ANKS3: variants seen among roughly 807,000 people sequenced by gnomAD.
ANKS3 encodes the protein ankyrin repeat and sterile alpha motif domain containing 3.
ANKS3 carries 62 observed loss-of-function variants against 80.7 expected under a neutral mutation model. The observed-to-expected ratio is 0.77, with a 90% CI of 0.63 to 0.95. ANKS3 has a LOEUF of 0.95. Among genes scored for constraint, ANKS3 ranks in the 40% least tolerant of loss-of-function variants. The pLI is 0.00. For missense variants in ANKS3, 1,150 were observed against 883.6 expected (o/e 1.30, Z -3.82); for synonymous variants, 489 against 355.3 (o/e 1.38, Z -4.23).
chr16:4,704,471 GA>G (rs1276221731), intron 8 of ANKS3, among the ~76,000 whole-genome samples: 1 of 152,128 alleles, frequency 6.6e-6, no homozygotes, highest in East Asian at 1.9e-4. Context: ...CAGCAATAGA[GA>G]GTAGGCACCA....
Position 4,701,525 on chromosome 16 carries a change from G to C in ANKS3, c.1028C>G (p.Ala343Gly), listed in dbSNP as rs1444588999. 1 of 1,610,582 alleles carries C rather than the reference G, an allele frequency of 6.2e-7. No homozygotes were observed. The highest frequency in any genetic ancestry group is 1.3e-5 in the African/African-American group (1 of 74,876). Residue 343 changes from alanine (A) to glycine (G), a missense_variant, in exon 10 of 18, where the codon GCC becomes GGC. Ala to Gly is a moderately conservative substitution (Grantham distance 60). Coordinates refer to ENST00000304283, the MANE Select transcript of ANKS3 (RefSeq NM_133450.4). ...GCTGCTCTGGACGGGCCCCAGGTTG[G>C]CACAGAAAGCATGTTCCTCTGAGGG... ...SSSREEHAFC[A>G]NLGPVQSSSS...
At chr16:4,703,203 C>T (rs1439755756) in intron 8 of ANKS3, among the ~76,000 whole-genome samples, 2 of 152,192 alleles carry the variant, frequency 1.3e-5, no homozygotes, top group Non-Finnish European at 2.9e-5. Context: ...GCCTTGACCT[C>T]CTGGGCTCAA....
chr16:4,717,672 G>C (rs2080870686), intron 6 of ANKS3: 1 of 152,156 alleles, frequency 6.6e-6, no homozygotes, highest in Middle Eastern at 3.2e-3. Context: ...TTTTGGTTTT[G>C]TTTTTGAGGC....
chr16:4,701,726 T>C, intron 9 of ANKS3, 183 bp from the exon 10 acceptor site: 1 of 545,210 alleles, frequency 1.8e-6, no homozygotes, highest in Non-Finnish European at 3.2e-6. Context: ...AGGGCTTCTG[T>C]CTTTTTTGTT....
intron 6 of ANKS3, among the ~76,000 whole-genome samples, chr16:4,714,704 T>A (rs967017517): frequency 7.2e-5 from 11 of 152,206 alleles, no homozygotes; most frequent in African/African-American, 2.7e-4. Context: ...ACAAAGATGT[T>A]TGGCACAGGC....
At chr16:4,727,330 C>G (rs2081406150) in intron 3 of ANKS3, 153 bp from the exon 4 acceptor site, 1 of 733,758 alleles carries the variant, frequency 1.4e-6, no homozygotes, top group Non-Finnish European at 2.3e-6. Context: ...GGCAGGCAGG[C>G]AGAAAAATGC....
rs548317403 is a variant in ANKS3 at position 4,728,985 on chromosome 16, A to G, written c.170+995T>C. 3.3e-5 allele frequency among the ~76,000 whole-genome samples: 5 copies of G among 152,278 alleles called. No individual in the cohort carries two copies. In the East Asian group the frequency reaches 9.6e-4, roughly 29 times the overall value. On this transcript the variant is annotated intron_variant, in intron 3 of 17. Coordinates refer to ENST00000304283, the MANE Select transcript of ANKS3 (RefSeq NM_133450.4). ...CAATGCTTTGCTTTGGCTCACTGGG[A>G]ACTGGAAGAGGCACGCAGAGAGAGG...
intron 7 of ANKS3, among the ~76,000 whole-genome samples, chr16:4,708,728 A>T (rs2142065443): frequency 6.6e-6 from 1 of 152,040 alleles, no homozygotes; most frequent in African/African-American, 2.4e-5. Context: ...AGGTGAGGAG[A>T]TCGAGACCAT....
In ANKS3 at chr16:4,734,178, C is replaced by G; in HGVS notation, c.-311G>C. On this transcript the variant is annotated 5_prime_UTR_variant, in exon 1 of 18. Transcript: ENST00000304283. Reference sequence around the variant, plus strand: ...CACCTGTGCTGGGCCTCAGGCCTTGCGCCGCCCTCGGGCTGCCGTCGCCAA... The same window carrying G: ...CACCTGTGCTGGGCCTCAGGCCTTGGGCCGCCCTCGGGCTGCCGTCGCCAA... 1 of 301,304 alleles carries G rather than the reference C, an allele frequency of 3.3e-6. No individual in the cohort carries two copies. The highest frequency in any genetic ancestry group is 1.3e-4 in the South Asian group (1 of 7,496). The allele number at this position is 301,304 out of a possible 1,614,324, so 18.7% of individuals were successfully genotyped here. A position where few individuals can be genotyped will look rare whatever the true frequency, so the allele number is the denominator to read the frequency against.
In ANKS3 at chr16:4,719,856, C is replaced by T. The variant is rs371597297; in HGVS notation, c.573+4894G>A. The stretch of plus-strand genomic sequence containing the variant: ...TTGCAGAAAAAGAAACCCAAATGGC[C>T]AGGGAGCCAAAAAGTCTAACATCCT... On this transcript the variant is annotated intron_variant, in intron 6 of 17. Transcript: ENST00000304283. Among the ~76,000 whole-genome samples the T allele has an allele frequency of 4.6e-5, 7 of 152,004 alleles. No individual in the cohort carries two copies. In the East Asian group the frequency reaches 7.7e-4, roughly 17 times the overall value.
rs1033310199 is a variant in ANKS3, at chr16:4,702,185, T to C, written c.926A>G (p.Glu309Gly). The C allele has an allele frequency of 5.0e-6, 8 of 1,594,096 alleles. No individual in the cohort carries two copies. The highest frequency in any genetic ancestry group is 1.4e-5 in the African/African-American group (1 of 73,534). Residue 309 changes from glutamate (E) to glycine (G), a missense_variant, in exon 9 of 18, where the codon GAA becomes GGA. By Grantham distance (98) the Glu-to-Gly change is moderately conservative. Transcript: ENST00000304283. ...ATCCCGGCAGCAGAGGCCCTCTTCTTCCAGGGGGTTCTCGCCACTGCTGTT... is the reference window on the plus strand; with the variant it reads ...ATCCCGGCAGCAGAGGCCCTCTTCTCCCAGGGGGTTCTCGCCACTGCTGTT... Reference protein sequence around the residue: ...TFNSSGENPLEEEGLCCRDVT... With the variant: ...TFNSSGENPLGEEGLCCRDVT...
chr16:4,702,825 G>C (rs191792782), intron 8 of ANKS3, among the ~76,000 whole-genome samples: 36 of 152,078 alleles, frequency 2.4e-4, no homozygotes, highest in African/African-American at 8.0e-4. Context: ...TTTCACTCCA[G>C]TTTTGCCCCT....
intron 7 of ANKS3, among the ~76,000 whole-genome samples, chr16:4,713,605 T>C (rs2080617581): frequency 1.3e-5 from 2 of 152,222 alleles, no homozygotes; most frequent in Admixed American, 6.5e-5. Flanking sequence ...GAACAAGAAG[T>C]CATCCCTTGT....
At position 4,701,117 on chromosome 16, in the gene ANKS3, A is replaced by G. The variant is rs61747670; in HGVS notation, c.1137T>C (p.Cys379=). 1.2e-6 allele frequency: 2 copies of G among 1,613,930 alleles called. No homozygotes were observed. Among genetic ancestry groups the G allele is most frequent in the Non-Finnish European group, 1.7e-6 (2 of 1,180,024 alleles). The change falls in exon 11 of 18, where the codon TGT becomes TGC. Residue 379 remains cysteine, a synonymous_variant. Transcript: ENST00000304283. Reference sequence around the variant, plus strand: ...TAGCTTGTTTGCGAGCTGAGCTTTTACAGGCATGATCCGAGTCCTGCAGTG... The same window carrying G: ...TAGCTTGTTTGCGAGCTGAGCTTTTGCAGGCATGATCCGAGTCCTGCAGTG... ...VESNEDSDHA[C]KSSARKQAKS...
At chr16:4,704,152 T>G (rs977015256) in intron 8 of ANKS3, among the ~76,000 whole-genome samples, 2 of 152,100 alleles carry the variant, frequency 1.3e-5, no homozygotes, top group African/African-American at 4.8e-5. Context: ...CCCAGTCAGC[T>G]CACCCTTCCC....
intron 6 of ANKS3, among the ~76,000 whole-genome samples, chr16:4,716,267 A>T (rs1481090501): frequency 6.6e-6 from 1 of 150,442 alleles, no homozygotes; most frequent in African/African-American, 2.4e-5. Context: ...GGGCTGAGGC[A>T]GGAGAATCGC....
rs1302777894 is a variant in ANKS3, at chr16:4,698,519, C to T, written c.1632G>A (p.Leu544=). 4 of 1,569,874 alleles carry T rather than the reference C, an allele frequency of 2.5e-6. No individual in the cohort carries two copies. Among genetic ancestry groups the T allele is most frequent in the Non-Finnish European group, 3.4e-6 (4 of 1,165,970 alleles). The change falls in exon 14 of 18, where the codon CTG becomes CTA. Residue 544 remains leucine (L), a synonymous_variant. Transcript: ENST00000304283. The part of the protein sequence containing the change: ...ELRAVVESCL[L]EQDRAREDLQ... ...GGTCCTCGCGGGCGCGGTCCTGCTC[C>T]AGCAGGCAGCTCTCCACCACGGCGC...
chr16:4,705,373 C>G, intron 7 of ANKS3, 120 bp from the exon 8 acceptor site: 1 of 1,224,664 alleles, frequency 8.2e-7, no homozygotes. Context: ...AGAAGGGTAT[C>G]TGCCAGGGCA....
rs1016391759 is a variant in ANKS3 at position 4,696,707 on chromosome 16, G to A, written c.*201C>T. 8 of 435,402 alleles carry A rather than the reference G, an allele frequency of 1.8e-5. No individual in the cohort carries two copies. Among genetic ancestry groups the A allele is most frequent in the African/African-American group, 4.0e-5 (2 of 49,674 alleles). The allele number at this position is 435,402 out of a possible 1,614,324, so 27.0% of individuals were successfully genotyped here. On this transcript the variant is annotated 3_prime_UTR_variant, in exon 18 of 18. Coordinates refer to ENST00000304283, the MANE Select transcript of ANKS3 (RefSeq NM_133450.4). ...AGGTTCTGGGTGAGGCCCTCGTCCC[G>A]CCTCAGTGCTGGCCCGAGCTGCCGA...
Sources: gnomAD v4.1 joint callset for allele counts (sites outside exome capture counted in the v4.1 genomes callset) on GRCh38, gnomAD v4.1.1 for gene constraint, MANE v1.5 for transcripts, NCBI Gene and HGNC (gene_info 2026-07-23, HGNC 2026-07-21) for gene names.